ANKS1B: variants seen among roughly 807,000 people sequenced by gnomAD.
ANKS1B encodes ankyrin repeat and sterile alpha motif domain containing 1B, also known as ankyrin repeat and sterile alpha motif domain-containing protein 1B.
Under a neutral mutation model 148.3 loss-of-function variants are expected in ANKS1B, and 36 were observed. The observed-to-expected ratio is 0.24, with a 90% CI of 0.19 to 0.32. ANKS1B has a LOEUF of 0.32. Ranked by LOEUF, ANKS1B falls within the 10% of genes least tolerant of loss-of-function variation. The probability of loss-of-function intolerance (pLI) is 1.00; values close to 1 mark genes in which losing one functional copy is unlikely to be tolerated. For synonymous variants in ANKS1B, 542 were observed against 560.8 expected (o/e 0.97, Z 0.47); for missense variants, 1,157 against 1,542.6 (o/e 0.75, Z 4.19).
intron 12 of ANKS1B, among the ~76,000 whole-genome samples, chr12:99,366,078 G>T (rs1456153762): frequency 6.6e-6 from 1 of 152,106 alleles, no homozygotes; most frequent in Non-Finnish European, 1.5e-5. Flanking sequence ...TGTATTACAG[G>T]GGGCAGCCCC....
intron 12 of ANKS1B, among the ~76,000 whole-genome samples, chr12:99,304,337 A>C (rs1464548756): frequency 6.6e-6 from 1 of 152,020 alleles, no homozygotes; most frequent in Non-Finnish European, 1.5e-5. Context: ...AAATAGAGGG[A>C]CCTGGGAGGG....
chr12:99,801,898 T>C lies in ANKS1B; in HGVS notation c.669+4506A>G, dbSNP rs557332896. ...AAGTAGACACAGGTACATTGGCAGA[T>C]GTGGTGGTGGAAATTTGTGATTGCT... On this transcript the variant is annotated intron_variant, in intron 4 of 26. Coordinates refer to ENST00000683438, the MANE Select transcript of ANKS1B (RefSeq NM_001352186.2). Among the ~76,000 whole-genome samples, 10 of 152,238 alleles carry C rather than the reference T, an allele frequency of 6.6e-5. No homozygotes were observed. The South Asian group carries it at 8.3e-4, about 13-fold the overall frequency.
chr12:98,978,861 G>C (rs2099903167), intron 17 of ANKS1B, among the ~76,000 whole-genome samples: 1 of 151,962 alleles, frequency 6.6e-6, no homozygotes, highest in Non-Finnish European at 1.5e-5. Flanking sequence ...TTTAAAACGA[G>C]GGCCGGGCGC....
chr12:99,750,837 C>A (rs2153594584), intron 8 of ANKS1B, among the ~76,000 whole-genome samples: 1 of 152,134 alleles, frequency 6.6e-6, no homozygotes, highest in African/African-American at 2.4e-5. Context: ...ACCTGCTGAT[C>A]CAGAATACCT....
chr12:99,672,445 G>A (rs1431437026), intron 8 of ANKS1B, among the ~76,000 whole-genome samples: 2 of 152,056 alleles, frequency 1.3e-5, no homozygotes, highest in African/African-American at 2.4e-5. Context: ...CTGACCCTGT[G>A]CCACTAAATC....
intron 1 of ANKS1B, among the ~76,000 whole-genome samples, chr12:99,871,916 T>C (rs951400162): frequency 1.3e-5 from 2 of 152,152 alleles, no homozygotes; most frequent in East Asian, 3.8e-4. Flanking sequence ...TTCTCTTGTC[T>C]GACTGTTCTA....
intron 1 of ANKS1B, among the ~76,000 whole-genome samples, chr12:99,978,763 T>C (rs923500158): frequency 5.3e-5 from 8 of 152,236 alleles, no homozygotes; most frequent in African/African-American, 1.7e-4. Context: ...ATAAGCTCTC[T>C]GGTTTTTATG....
At chr12:99,122,995 A>ATATATATATATATATAT (rs57571566) in intron 15 of ANKS1B, among the ~76,000 whole-genome samples, 9 of 141,534 alleles carry the variant, frequency 6.4e-5, no homozygotes, top group African/African-American at 2.4e-4. Context: ...AATTAAAAAA[A>ATATATATATATATATAT]AAATATATAT....
chr12:99,750,183 T>G (rs912546627), intron 8 of ANKS1B, among the ~76,000 whole-genome samples: 14 of 152,058 alleles, frequency 9.2e-5, no homozygotes, highest in African/African-American at 3.4e-4. Flanking sequence ...TATAACTTTT[T>G]ATGTGAGTGA....
At chr12:98,932,997 G>T (rs535958737) in intron 17 of ANKS1B, among the ~76,000 whole-genome samples, 2 of 152,168 alleles carry the variant, frequency 1.3e-5, no homozygotes, top group Non-Finnish European at 2.9e-5. Context: ...CTTAACATGC[G>T]ATCTACCTCT....
At chr12:99,633,367 C>G (rs575388223) in intron 9 of ANKS1B, among the ~76,000 whole-genome samples, 1 of 151,966 alleles carries the variant, frequency 6.6e-6, no homozygotes, top group Non-Finnish European at 1.5e-5. Flanking sequence ...ACAAGCCTGA[C>G]AAAAACAAGA....
intron 9 of ANKS1B, among the ~76,000 whole-genome samples, chr12:99,652,012 T>TTTTGCAATGAAAATGTATATATA (rs2098422957): frequency 6.6e-6 from 1 of 151,156 alleles, no homozygotes; most frequent in Non-Finnish European, 1.5e-5. Flanking sequence ...CTTTAATATA[T>TTTTGCAATGAAAATGTATATATA]TTTGCAATGA....
intron 1 of ANKS1B, among the ~76,000 whole-genome samples, chr12:99,932,391 A>G (rs1269996666): frequency 6.6e-6 from 1 of 152,174 alleles, no homozygotes; most frequent in Admixed American, 6.5e-5. Context: ...ATTCCCACCA[A>G]CAGCATACAA....
rs60972626 is a variant in ANKS1B, at chr12:99,412,610, T to C, written c.1576-12799A>G. Among the ~76,000 whole-genome samples the C allele has an allele frequency of 7.5e-3, 1,142 of 152,334 alleles. 16 individuals are homozygous for C. Among genetic ancestry groups the C allele is most frequent in the African/African-American group, 0.026 (1,068 of 41,584 alleles). On this transcript the variant is annotated intron_variant, in intron 11 of 26. Coordinates refer to ENST00000683438, the MANE Select transcript of ANKS1B (RefSeq NM_001352186.2). ...CAATATTTGATTTTATCTTTTAGAA[T>C]TTCGCAAATGCCTCAGGTAGTAACT...
At chr12:99,481,932 G>A (rs922767984) in intron 10 of ANKS1B, among the ~76,000 whole-genome samples, 11 of 151,838 alleles carry the variant, frequency 7.2e-5, no homozygotes, top group African/African-American at 2.7e-4. Context: ...CTGGATACTA[G>A]TCCTTTGTCG....
chr12:98,785,305 A>G (rs1435386763), intron 22 of ANKS1B, among the ~76,000 whole-genome samples: 1 of 152,074 alleles, frequency 6.6e-6, no homozygotes, highest in Non-Finnish European at 1.5e-5. Context: ...CCCCGTCTCT[A>G]CTAAAAATAA....
At chr12:98,753,642 A>T (rs921580277) in intron 25 of ANKS1B, among the ~76,000 whole-genome samples, 3 of 151,996 alleles carry the variant, frequency 2.0e-5, no homozygotes, top group African/African-American at 7.2e-5. Context: ...GGTCAGGCTG[A>T]GCTTGAACTC....
intron 1 of ANKS1B, among the ~76,000 whole-genome samples, chr12:99,902,325 C>T (rs2093627428): frequency 6.6e-6 from 1 of 152,090 alleles, no homozygotes; most frequent in South Asian, 2.1e-4. Context: ...AAAAGGACAT[C>T]TAGATAACTG....
chr12:99,424,969 C>T (rs2095215470), intron 11 of ANKS1B, among the ~76,000 whole-genome samples: 1 of 152,000 alleles, frequency 6.6e-6, no homozygotes, highest in African/African-American at 2.4e-5. Context: ...CCAGCCGTTT[C>T]TGAACCTCAC....
Sources: allele counts gnomAD v4.1 joint callset (sites outside exome capture counted in the v4.1 genomes callset), GRCh38; gene constraint gnomAD v4.1.1; transcripts MANE v1.5; gene names NCBI Gene and HGNC (gene_info 2026-07-23, HGNC 2026-07-21).